DCUN1D3: variants seen among roughly 807,000 people sequenced by gnomAD.
DCUN1D3 encodes DCN1-like protein 3.
A neutral mutation model predicts 24.8 loss-of-function variants in DCUN1D3; 6 were observed. The observed-to-expected ratio is 0.24, with a 90% confidence interval of 0.13 to 0.48. DCUN1D3 has a LOEUF of 0.48. Ranked by LOEUF, DCUN1D3 falls within the 20% of genes least tolerant of loss-of-function variation. DCUN1D3 has a pLI of 0.99. For synonymous variants in DCUN1D3, 120 were observed against 144.9 expected, an observed-to-expected ratio of 0.83 and a Z score of 1.24; for missense variants, 258 against 379.4, an observed-to-expected ratio of 0.68 and a Z score of 2.66.
chr16:20,859,151 A>T lies in DCUN1D3; in HGVS notation c.*735T>A, dbSNP rs2081716292. The stretch of plus-strand genomic sequence containing the variant: ...TGCTCACTTGACTGACAGGTGCAGC[A>T]TGTTGATGGAAAAACTCAACATGAA... On this transcript the variant is annotated 3_prime_UTR_variant, in exon 3 of 3. Transcript: ENST00000324344. 1 of 152,660 alleles carries T rather than the reference A, an allele frequency of 6.6e-6. No individual in the cohort carries two copies. Among genetic ancestry groups the T allele is most frequent in the Non-Finnish European group, 1.5e-5 (1 of 68,046 alleles). 9.5% of individuals were successfully genotyped at this position (152,660 alleles called of 1,614,324 possible).
chr16:20,860,456 A>G lies in DCUN1D3; in HGVS notation c.432-87T>C. The G allele has an allele frequency of 7.2e-7, 1 of 1,388,908 alleles. No homozygotes were observed. Among genetic ancestry groups the G allele is most frequent in the Non-Finnish European group, 9.6e-7 (1 of 1,038,690 alleles). The allele number at this position is 1,388,908 out of a possible 1,614,324, so 86.0% of individuals were successfully genotyped here. A position where few individuals can be genotyped will look rare whatever the true frequency, so the allele number is the denominator to read the frequency against. The stretch of plus-strand genomic sequence containing the variant: ...CATAGTGATTAAGAGCAAGGCTTTC[A>G]GGCCAGATGGTCTGAATTTGAATTC... On this transcript the variant is annotated intron_variant, in intron 2 of 2. Coordinates refer to ENST00000324344, the MANE Select transcript of DCUN1D3 (RefSeq NM_173475.4). The surrounding 1 kb of genome is among the most constrained non-coding windows in gnomAD (Gnocchi z 4.3).
In DCUN1D3 at chr16:20,862,396, C is replaced by T; in HGVS notation, c.143G>A (p.Gly48Asp). The T allele has an allele frequency of 6.2e-7, 1 of 1,614,124 alleles. No individual in the cohort carries two copies. The highest frequency in any genetic ancestry group is 8.5e-7 in the Non-Finnish European group (1 of 1,180,042). The change falls in exon 2 of 3, where the codon GGT becomes GAT. Residue 48 changes from glycine (G) to aspartate (D), a missense_variant. Transcript: ENST00000324344. ...GGTCCCGTTGACGAGGATATCTCCA[C>T]CTGGCTTGCCACAGGGTGGTACCTG... ...EEQVPPCGKP[G>D]GDILVNGTKK...
chr16:20,861,958 T>C (rs746420346), intron 2 of DCUN1D3, 150 bp downstream of exon 2: 1 of 816,260 alleles, frequency 1.2e-6, no homozygotes, highest in Non-Finnish European at 1.9e-6. Flanking sequence ...GCTCAAAAGA[T>C]TCAAGCTTTA....
rs572601177 is a variant in DCUN1D3, at chr16:20,864,100, A to G, written c.-105-1457T>C. On this transcript the variant is annotated intron_variant, in intron 1 of 2. Coordinates refer to ENST00000324344, the MANE Select transcript of DCUN1D3 (RefSeq NM_173475.4). ...AACAAAGACACCAAAAGCAATCAAA[A>G]CAAAAGCAAAAATTGACAAGTGGGA... is the stretch of plus-strand genomic sequence containing the variant. Among the ~76,000 whole-genome samples, 22 of 152,340 alleles carry G rather than the reference A, an allele frequency of 1.4e-4. No individual in the cohort carries two copies. In the East Asian group the frequency reaches 4.0e-3, roughly 28 times the overall value.
At chr16:20,863,563 G>A (rs2152516129) in intron 1 of DCUN1D3, among the ~76,000 whole-genome samples, 1 of 152,234 alleles carries the variant, frequency 6.6e-6, no homozygotes, top group Middle Eastern at 3.4e-3. Flanking sequence ...GGGAGACATA[G>A]CAAGACCCTG....
At chr16:20,875,886 A>G (rs2081812342) in intron 1 of DCUN1D3, among the ~76,000 whole-genome samples, 1 of 152,216 alleles carries the variant, frequency 6.6e-6, no homozygotes, top group South Asian at 2.1e-4. Flanking sequence ...CCATCTGACG[A>G]GGGATTAACA....
At chr16:20,868,724 T>G (rs2081774426) in intron 1 of DCUN1D3, among the ~76,000 whole-genome samples, 1 of 151,984 alleles carries the variant, frequency 6.6e-6, no homozygotes, top group African/African-American at 2.4e-5. Context: ...TCACAATAAG[T>G]GACCATTCTC....
rs1157857545 is a variant in DCUN1D3, at chr16:20,862,590, G to A, written c.-52C>T. On this transcript the variant is annotated 5_prime_UTR_variant, in exon 2 of 3. An upstream open reading frame in the 5' UTR gains an earlier in-frame stop. Transcript: ENST00000324344. ...GGACCCCTCTGGATTGGATGCCCTC[G>A]CTGCCGCTGGCCCATGTACCTCAAC... The A allele has an allele frequency of 3.9e-6, 6 of 1,545,242 alleles. No individual in the cohort carries two copies. The highest frequency in any genetic ancestry group is 1.4e-5 in the African/African-American group (1 of 73,094).
In DCUN1D3 at chr16:20,873,108, G is replaced by A. The variant is rs1265179210; in HGVS notation, c.-105-10465C>T. ...TGCACTCCAGCCTGGGCTACAGAGC[G>A]AGACTCTGTCTCAAAAAAAAAAAAA... On this transcript the variant is annotated intron_variant, in intron 1 of 2. Coordinates refer to ENST00000324344, the MANE Select transcript of DCUN1D3 (RefSeq NM_173475.4). 6.8e-5 allele frequency among the ~76,000 whole-genome samples: 10 copies of A among 147,158 alleles called. No individual in the cohort carries two copies. The South Asian group carries it at 8.6e-4, about 13-fold the overall frequency.
chr16:20,862,636 C>T lies in DCUN1D3; in HGVS notation c.-98G>A. ...TCAACATGCCATCAGCCAGAGGAGC[C>T]AGCCAACCTGGAAGGAAATTAGAAA... On this transcript the variant is annotated 5_prime_UTR_variant, in exon 2 of 3. Coordinates refer to ENST00000324344, the MANE Select transcript of DCUN1D3 (RefSeq NM_173475.4). 2 of 1,517,238 alleles carry T rather than the reference C, an allele frequency of 1.3e-6. No individual in the cohort carries two copies. Among genetic ancestry groups the T allele is most frequent in the Non-Finnish European group, 1.7e-6 (2 of 1,143,708 alleles). The allele number at this position is 1,517,238 out of a possible 1,614,324, so 94.0% of individuals were successfully genotyped here.
intron 1 of DCUN1D3, among the ~76,000 whole-genome samples, chr16:20,897,131 C>T (rs558585560): frequency 6.6e-6 from 1 of 152,362 alleles, no homozygotes; most frequent in South Asian, 2.1e-4. Flanking sequence ...ATTTAAGTCT[C>T]TCAACTGCCT....
chr16:20,873,984 C>G (rs1248842747), intron 1 of DCUN1D3, among the ~76,000 whole-genome samples: 1 of 152,122 alleles, frequency 6.6e-6, no homozygotes, highest in East Asian at 1.9e-4. Flanking sequence ...TTATTTACAC[C>G]CTGAATCCAA....
intron 1 of DCUN1D3, among the ~76,000 whole-genome samples, chr16:20,867,469 G>A (rs2081768159): frequency 6.6e-6 from 1 of 152,216 alleles, no homozygotes; most frequent in Non-Finnish European, 1.5e-5. Flanking sequence ...CTAAACGTGT[G>A]ACGTTTTTGT....
intron 1 of DCUN1D3, among the ~76,000 whole-genome samples, chr16:20,880,575 A>G (rs560162578): frequency 1.6e-5 from 2 of 127,070 alleles, no homozygotes. Flanking sequence ...TGGGTACTCC[A>G]GCCAGGGTGA....
At position 20,862,272 on chromosome 16, in the gene DCUN1D3, T is replaced by C. The variant is rs371860124; in HGVS notation, c.267A>G (p.Gln89=). The C allele has an allele frequency of 1.1e-5, 18 of 1,614,056 alleles. No homozygotes were observed. The highest frequency in any genetic ancestry group is 1.6e-4 in the Middle Eastern group (1 of 6,084). The part of the protein sequence containing the change: ...SKSNAEESSL[Q]RLEELFRRYK... ...AGCGCCTGAACAGTTCTTCCAATCT[T>C]TGCAAGGAAGACTCCTCGGCATTGG... The change falls in exon 2 of 3, where the codon CAA becomes CAG. Residue 89 remains glutamine, a synonymous_variant. Coordinates refer to ENST00000324344, the MANE Select transcript of DCUN1D3 (RefSeq NM_173475.4).
chr16:20,883,587 A>G (rs1230358037), intron 1 of DCUN1D3, among the ~76,000 whole-genome samples: 1 of 152,232 alleles, frequency 6.6e-6, no homozygotes, highest in Non-Finnish European at 1.5e-5. Context: ...TTGTATCAGA[A>G]GTATTAAATA....
At chr16:20,891,429 T>G (rs1222264986) in intron 1 of DCUN1D3, among the ~76,000 whole-genome samples, 1 of 152,248 alleles carries the variant, frequency 6.6e-6, no homozygotes, top group African/African-American at 2.4e-5. Flanking sequence ...TGTTCTCTAA[T>G]GCTCTAACGG....
At chr16:20,898,032 G>A (rs1224811200) in intron 1 of DCUN1D3, among the ~76,000 whole-genome samples, 1 of 152,100 alleles carries the variant, frequency 6.6e-6, no homozygotes, top group African/African-American at 2.4e-5. Context: ...TCTCCCCCGT[G>A]TTCACTAAGC....
At chr16:20,861,739 C>G (rs1301944528) in intron 2 of DCUN1D3, among the ~76,000 whole-genome samples, 1 of 144,524 alleles carries the variant, frequency 6.9e-6, no homozygotes, top group African/African-American at 2.6e-5. Flanking sequence ...TAGGCAAAGG[C>G]GTTATTCTGC....
Sources: gnomAD v4.1 joint callset for allele counts (sites outside exome capture counted in the v4.1 genomes callset) on GRCh38, gnomAD v4.1.1 for gene constraint, Gnocchi (gnomAD v3.1) non-coding constraint, MANE v1.5 for transcripts, NCBI Gene and HGNC (gene_info 2026-07-23, HGNC 2026-07-21) for gene names.